Variants in RIF1 observed in about 807,000 individuals in gnomAD.
RIF1 encodes telomere-associated protein RIF1.
RIF1 carries 45 observed loss-of-function variants against 247.1 expected under a neutral mutation model. The ratio of observed to expected loss-of-function variants is 0.18; its 90% CI spans 0.14 to 0.23. The LOEUF is 0.23. Among genes scored for constraint, RIF1 ranks in the 10% least tolerant of loss-of-function variants. The probability of loss-of-function intolerance (pLI) is 1.00; values close to 1 mark genes in which losing one functional copy is unlikely to be tolerated. For missense variants in RIF1, 2,967 were observed against 2,862.5 expected (o/e 1.04, Z -0.83); for synonymous variants, 1,087 against 978.8 (o/e 1.11, Z -2.06).
chr2:151,435,767 GTTTTTTTT>G (rs76815709), intron 11 of RIF1, among the ~76,000 whole-genome samples, 187 bp downstream of exon 11: 1 of 140,416 alleles, frequency 7.1e-6, no homozygotes, highest in Admixed American at 7.1e-5. Flanking sequence ...TCTGTTTTTT[GTTTTTTTT>G]TTTTAATATT....
chr2:151,463,096 AAATTCTTTCGTTGTC>A lies in RIF1; in HGVS notation c.3578_3592del (p.Asn1193_Val1197del). 1 of 1,614,040 alleles carries A rather than the reference AAATTCTTTCGTTGTC, an allele frequency of 6.2e-7. No homozygotes were observed. ...CAACTGAATGTGCATCTAGTACAGA[AAATTCTTTCGTTGTC>A]AGCAGTAGTTCAGTTTCTAATACCA... On this transcript the variant is annotated inframe_deletion, in exon 30 of 36. Transcript: ENST00000444746.
In RIF1 at chr2:151,450,545, T is replaced by C. The variant is rs146188626; in HGVS notation, c.2245-1061T>C. 2.6e-4 allele frequency among the ~76,000 whole-genome samples: 40 copies of C among 152,248 alleles called. 1 individual carries two copies. In the East Asian group the frequency reaches 6.9e-3, roughly 26 times the overall value. On this transcript the variant is annotated intron_variant, in intron 20 of 35. Coordinates refer to ENST00000444746, the MANE Select transcript of RIF1 (RefSeq NM_018151.5). The stretch of plus-strand genomic sequence containing the variant: ...GAAATTTATTACACCTTCTTGAAAA[T>C]TTGTGTCAAATGTGTCTTTAAAAAC...
At chr2:151,519,139 T>C in the RIF1 span, 1 of 939,892 alleles carries the variant, frequency 1.1e-6, no homozygotes, top group Non-Finnish European at 1.7e-6. Flanking sequence ...GAAATCAAAG[T>C]GAGATAGCCC....
chr2:151,523,479 G>A, the RIF1 span, among the ~76,000 whole-genome samples: 25 of 152,118 alleles, frequency 1.6e-4, no homozygotes, highest in Non-Finnish European at 1.2e-4. Flanking sequence ...ATACCTGAGA[G>A]GACAAGGAAA....
chr2:151,512,683 A>G (rs199558203), downstream of RIF1: 10 of 1,305,508 alleles, frequency 7.7e-6, no homozygotes, highest in African/African-American at 1.2e-4. Context: ...AAGGACTTCC[A>G]TTCTTTCATG....
At chr2:151,527,334 A>G in the RIF1 span, 18 of 722,498 alleles carry the variant, frequency 2.5e-5, no homozygotes, top group African/African-American at 2.3e-4. Context: ...GAGCTCGCCT[A>G]TCGCTCCCCC....
downstream of RIF1, among the ~76,000 whole-genome samples, chr2:151,482,819 C>T (rs1285974574): frequency 6.6e-6 from 1 of 152,138 alleles, no homozygotes; most frequent in African/African-American, 2.4e-5. Flanking sequence ...GATATGGTAT[C>T]AGCAGGGTTT....
At chr2:151,492,279 C>A in intron 9 of RIF1, 1 of 1,610,332 alleles carries the variant, frequency 6.2e-7, no homozygotes. Context: ...CATGATATTT[C>A]ACCTGAAATG....
Position 151,475,921 on chromosome 2 carries a change from G to A in RIF1, c.*850G>A, listed in dbSNP as rs1325612560. On this transcript the variant is annotated 3_prime_UTR_variant, in exon 36 of 36. Transcript: ENST00000444746. ...TGAAATATCAGTATCGACGGTGGAAGTGCTTCATGGGCTTGCTGCACATAT... is the reference window on the plus strand; with the variant it reads ...TGAAATATCAGTATCGACGGTGGAAATGCTTCATGGGCTTGCTGCACATAT... 3 of 152,598 alleles carry A rather than the reference G, an allele frequency of 2.0e-5. No homozygotes were observed. The highest frequency in any genetic ancestry group is 4.4e-5 in the Non-Finnish European group (3 of 68,012). The allele number at this position is 152,598 out of a possible 1,614,324, so 9.5% of individuals were successfully genotyped here.
intron 11 of RIF1, 101 bp from the exon 12 acceptor site, chr2:151,436,726 A>G (rs1558965132): frequency 1.2e-6 from 1 of 852,566 alleles, no homozygotes; most frequent in African/African-American, 1.7e-5. Flanking sequence ...AGACATTTAA[A>G]CTCTGTTTTT....
chr2:151,466,543 C>G (rs1696920058), intron 30 of RIF1, among the ~76,000 whole-genome samples: 1 of 151,438 alleles, frequency 6.6e-6, no homozygotes, highest in African/African-American at 2.4e-5. Context: ...CAGACCATAT[C>G]TAATTAAAAA....
intron 13 of RIF1, chr2:151,506,842 T>C (rs1158278229): frequency 9.7e-7 from 1 of 1,026,072 alleles, no homozygotes; most frequent in Non-Finnish European, 1.5e-6. Flanking sequence ...ATAAGGCTAG[T>C]ATATTTTTAA....
chr2:151,425,674 T>TTG (rs1486620509), intron 8 of RIF1, among the ~76,000 whole-genome samples: 1 of 141,110 alleles, frequency 7.1e-6, no homozygotes, highest in East Asian at 2.1e-4. Flanking sequence ...TTTTTTTTTT[T>TTG]TTTTTTTTGT....
Position 151,468,749 on chromosome 2 carries a change from A to C in RIF1, c.6934A>C (p.Asn2312His). ...CATCATTTTACCTCAGATTACATCA[A>C]ACATGTGGTAAGTGGTTATTTAGGC... ...VDIILPQITS[N>H]MWARGLGQLI... The change falls in exon 33 of 36, where the codon AAC becomes CAC. Residue 2312 changes from asparagine to histidine, a missense_variant. This residue lies in a region of RIF1 where 2,028 missense variants were observed against 1,825.6 expected (regional missense o/e 1.11). Transcript: ENST00000444746. 1 of 1,607,952 alleles carries C rather than the reference A, an allele frequency of 6.2e-7. No individual in the cohort carries two copies. Among genetic ancestry groups the C allele is most frequent in the Non-Finnish European group, 8.5e-7 (1 of 1,174,374 alleles).
chr2:151,444,890 C>G (rs939156894), intron 18 of RIF1, among the ~76,000 whole-genome samples: 3 of 152,094 alleles, frequency 2.0e-5, no homozygotes, highest in African/African-American at 7.2e-5. Flanking sequence ...ATTCTCTCAC[C>G]GTTCTGGAGA....
intron 20 of RIF1, 22 bp downstream of exon 20, chr2:151,446,597 C>T: frequency 6.3e-7 from 1 of 1,599,942 alleles, no homozygotes; most frequent in African/African-American, 1.4e-5. Context: ...CTGATGCTAC[C>T]TTTTTTTGTT....
intron 9 of RIF1, among the ~76,000 whole-genome samples, chr2:151,429,445 G>A (rs1212889757): frequency 2.0e-5 from 3 of 152,328 alleles, no homozygotes; most frequent in Non-Finnish European, 4.4e-5. Flanking sequence ...CCTCCCAAAT[G>A]CTGGGATTAC....
In RIF1 at chr2:151,463,563, C is replaced by A; in HGVS notation, c.4043C>A (p.Ser1348Tyr). 3 of 1,613,906 alleles carry A rather than the reference C, an allele frequency of 1.9e-6. No homozygotes were observed. Among genetic ancestry groups the A allele is most frequent in the Non-Finnish European group, 2.5e-6 (3 of 1,179,976 alleles). Residue 1348 changes from serine to tyrosine, a missense_variant, in exon 30 of 36, where the codon TCT (serine) becomes TAT (tyrosine). Physicochemically the swap from Ser to Tyr is moderately radical, Grantham distance 144. Around this residue, in one of 7 missense-constraint regions of RIF1, gnomAD observed 2,028 missense variants for 1,825.6 expected, o/e 1.11. Coordinates refer to ENST00000444746, the MANE Select transcript of RIF1 (RefSeq NM_018151.5). ...GATAATCAGGTTCATCTTTCTGAAT[C>A]TACAATGGAGCATGACAATACAAAG... ...VSDNQVHLSE[S>Y]TMEHDNTKLK...
Position 151,430,488 on chromosome 2 carries a change from A to G in RIF1, c.925+1566A>G, listed in dbSNP as rs762276087. Among the ~76,000 whole-genome samples, 85 of 151,286 alleles carry G rather than the reference A, an allele frequency of 5.6e-4. 1 individual carries two copies. Among genetic ancestry groups the G allele is most frequent in the African/African-American group, 2.0e-3 (81 of 41,182 alleles). ...AGGCGCCCGCTGCCACGTCTGGCTA[A>G]TTTTTGTATTTTCAGTAGAGACAAG... On this transcript the variant is annotated intron_variant, in intron 9 of 35. Transcript: ENST00000444746.
Sources: allele counts gnomAD v4.1 joint callset (sites outside exome capture counted in the v4.1 genomes callset), GRCh38; gene constraint gnomAD v4.1.1; regional missense constraint gnomAD v4.1.1; transcripts MANE v1.5; gene names NCBI Gene and HGNC (gene_info 2026-07-23, HGNC 2026-07-21).